CNBD1: variants seen among roughly 807,000 people sequenced by gnomAD.
The protein encoded by CNBD1 is cyclic nucleotide-binding domain-containing protein 1.
In CNBD1, 71 loss-of-function variants were observed where a neutral mutation model predicts 54.4. The observed-to-expected ratio is 1.30, with a 90% CI of 1.08 to 1.59. The LOEUF (loss-of-function observed/expected upper bound fraction) is 1.59, where lower values mean the gene tolerates loss of function less well. Ranked by LOEUF, CNBD1 falls within the 40% of genes most tolerant of loss-of-function variation. CNBD1 has a pLI of 0.00. For missense variants in CNBD1, 659 were observed against 518.0 expected (o/e 1.27, Z -2.64); for synonymous variants, 182 against 170.7 (o/e 1.07, Z -0.51).
intron 8 of CNBD1, among the ~76,000 whole-genome samples, chr8:87,341,378 T>C (rs1810060121): frequency 6.6e-6 from 1 of 152,286 alleles, no homozygotes; most frequent in East Asian, 1.9e-4. Context: ...ATTGAATGTA[T>C]GTTTCAGTCT....
chr8:87,389,741 G>GA (rs907707937), intron 2 of CNBD1, among the ~76,000 whole-genome samples: 4 of 151,576 alleles, frequency 2.6e-5, no homozygotes, highest in Admixed American at 6.6e-5. Flanking sequence ...CACAGAAATG[G>GA]AAAAAAACTA....
intron 4 of CNBD1, among the ~76,000 whole-genome samples, chr8:87,037,610 C>G (rs1170829767): frequency 3.9e-5 from 6 of 152,034 alleles, no homozygotes; most frequent in Non-Finnish European, 1.5e-5. Context: ...ATTTATACTT[C>G]TACCAAAATT....
chr8:87,388,545 A>C (rs1187018109), intron 2 of CNBD1, among the ~76,000 whole-genome samples: 1 of 152,184 alleles, frequency 6.6e-6, no homozygotes, highest in East Asian at 1.9e-4. Context: ...CCCAAGACTA[A>C]ACCAGGAAGA....
rs114031629 is a variant in CNBD1, at chr8:87,246,427, C to T, written c.771+9315C>T. ...TTTAAATATAGATTTTATTTCTTCTCGAGACTGAAAACCATTTCATGAAAG... is the reference window on the plus strand; with the variant it reads ...TTTAAATATAGATTTTATTTCTTCTTGAGACTGAAAACCATTTCATGAAAG... On this transcript the variant is annotated intron_variant, in intron 6 of 10. Transcript: ENST00000518476. Among the ~76,000 whole-genome samples the T allele has an allele frequency of 8.4e-3, 1,283 of 152,150 alleles. 19 individuals carry two copies. Among genetic ancestry groups the T allele is most frequent in the African/African-American group, 0.029 (1,214 of 41,526 alleles).
intron 6 of CNBD1, among the ~76,000 whole-genome samples, chr8:87,284,355 TAA>T (rs1365429879): frequency 6.6e-6 from 1 of 152,144 alleles, no homozygotes; most frequent in African/African-American, 2.4e-5. Flanking sequence ...ATCATATATA[TAA>T]GTGTACAAAA....
Position 87,195,568 on chromosome 8 carries a change from T to G in CNBD1, c.432-10425T>G, listed in dbSNP as rs181311703. Among the ~76,000 whole-genome samples, 20 of 151,660 alleles carry G rather than the reference T, an allele frequency of 1.3e-4. No homozygotes were observed. In the South Asian group the frequency reaches 1.9e-3, roughly 14 times the overall value. On this transcript the variant is annotated intron_variant, in intron 4 of 10. Transcript: ENST00000518476. ...GATCCTCAGTTTAAATATTGTTTTT[T>G]TTTTTTTTTTAATTTTTATTTTTGA...
chr8:87,317,880 T>TATATGTGC (rs71277930), intron 8 of CNBD1, among the ~76,000 whole-genome samples: 56,744 of 151,386 alleles, frequency 0.37, 10,831 homozygotes, highest in Middle Eastern at 0.44. Context: ...TTCTAATATG[T>TATATGTGC]ATGTGTATAT....
intron 4 of CNBD1, among the ~76,000 whole-genome samples, chr8:87,107,637 C>G (rs1811569472): frequency 6.6e-6 from 1 of 152,206 alleles, no homozygotes; most frequent in Admixed American, 6.5e-5. Context: ...CCTTGTATCC[C>G]TATTACCTAA....
At chr8:87,331,629 T>A (rs4961027) in intron 8 of CNBD1, among the ~76,000 whole-genome samples, 85,420 of 151,544 alleles carry the variant, frequency 0.56, 25,588 homozygotes, top group African/African-American at 0.77. Context: ...ATCCTTAAAT[T>A]ATCACCACAC....
At chr8:87,030,595 T>G (rs1015264077) in intron 4 of CNBD1, among the ~76,000 whole-genome samples, 1 of 152,168 alleles carries the variant, frequency 6.6e-6, no homozygotes, top group African/African-American at 2.4e-5. Context: ...CTTCTAAAAT[T>G]TTTTTAAATT....
chr8:87,252,665 A>G (rs1807936112), intron 6 of CNBD1, among the ~76,000 whole-genome samples: 1 of 152,146 alleles, frequency 6.6e-6, no homozygotes, highest in Admixed American at 6.6e-5. Flanking sequence ...TAAAGTTCTG[A>G]TAGATGTCAT....
At chr8:87,084,015 C>T (rs1372918881) in intron 4 of CNBD1, among the ~76,000 whole-genome samples, 1 of 152,140 alleles carries the variant, frequency 6.6e-6, no homozygotes, top group African/African-American at 2.4e-5. Context: ...TGTCATGGCC[C>T]ATGGTCACTC....
intron 4 of CNBD1, among the ~76,000 whole-genome samples, chr8:86,953,293 G>A (rs1244404367): frequency 6.6e-6 from 1 of 152,140 alleles, no homozygotes; most frequent in Non-Finnish European, 1.5e-5. Flanking sequence ...AACTTCTGAA[G>A]CAACTGCCAA....
At chr8:87,113,929 A>G (rs993783641) in intron 4 of CNBD1, among the ~76,000 whole-genome samples, 5 of 151,010 alleles carry the variant, frequency 3.3e-5, no homozygotes, top group Non-Finnish European at 7.4e-5. Context: ...AAAAAAAAAG[A>G]AAAGAAAGAA....
At chr8:86,944,725 G>T (rs1252485568) in intron 4 of CNBD1, among the ~76,000 whole-genome samples, 2 of 152,284 alleles carry the variant, frequency 1.3e-5, no homozygotes, top group East Asian at 1.9e-4. Flanking sequence ...ATCATTTAGG[G>T]TCTCATAGCC....
At chr8:86,958,794 T>A (rs1342244743) in intron 4 of CNBD1, among the ~76,000 whole-genome samples, 2 of 152,196 alleles carry the variant, frequency 1.3e-5, no homozygotes, top group African/African-American at 4.8e-5. Context: ...TTTGTCAGTA[T>A]GTGTCTTTTA....
chr8:87,141,936 A>G (rs1326136235), intron 4 of CNBD1, among the ~76,000 whole-genome samples: 1 of 152,154 alleles, frequency 6.6e-6, no homozygotes, highest in East Asian at 1.9e-4. Flanking sequence ...TTATTTCTTT[A>G]AAATTGGGTA....
intron 6 of CNBD1, among the ~76,000 whole-genome samples, chr8:87,269,386 A>T (rs1407714273): frequency 6.6e-6 from 1 of 152,054 alleles, no homozygotes; most frequent in Non-Finnish European, 1.5e-5. Context: ...TTTGCTTAAA[A>T]TTTGTTTGGC....
chr8:87,060,775 A>C (rs1187120708), intron 4 of CNBD1, among the ~76,000 whole-genome samples: 1 of 152,174 alleles, frequency 6.6e-6, no homozygotes, highest in African/African-American at 2.4e-5. Flanking sequence ...TTCATTAAAT[A>C]TGAAAAAGTT....
Sources: allele counts gnomAD v4.1 joint callset (sites outside exome capture counted in the v4.1 genomes callset), GRCh38; gene constraint gnomAD v4.1.1; transcripts MANE v1.5; gene names NCBI Gene and HGNC (gene_info 2026-07-23, HGNC 2026-07-21).